Variants in PLAC1 observed in about 807,000 individuals in gnomAD.
The protein encoded by PLAC1 is placenta-specific protein 1.
For missense variants in PLAC1, 136 were observed against 163.2 expected (o/e 0.83, Z 0.91); for synonymous variants, 68 against 62.1 (o/e 1.09, Z -0.44).
chrX:134,746,553 A>C (rs895077297), intron 1 of PLAC1, among the ~76,000 whole-genome samples: 6 of 110,760 alleles, frequency 5.4e-5, no homozygotes, highest in African/African-American at 2.0e-4. Flanking sequence ...TTTGGACTTG[A>C]CCCAATACCT....
intron 2 of PLAC1, among the ~76,000 whole-genome samples, chrX:134,717,141 G>C (rs2078645542): frequency 8.9e-6 from 1 of 112,178 alleles, no homozygotes; most frequent in Non-Finnish European, 1.9e-5. Context: ...AAAGATGGTA[G>C]AAATAGGAAG....
At chrX:134,603,291 A>ATATATTTATATATATATATATATATATT (rs2078100045) in intron 1 of PLAC1, among the ~76,000 whole-genome samples, 1 of 1,379 alleles carries the variant, frequency 7.3e-4, no homozygotes, top group African/African-American at 2.2e-3. Flanking sequence ...ATATATATAT[A>ATATATTTATATATATATATATATATATT]TATATATATA....
At chrX:134,606,423 G>GA (rs2078123265) in intron 1 of PLAC1, among the ~76,000 whole-genome samples, 1 of 110,153 alleles carries the variant, frequency 9.1e-6, no homozygotes, top group African/African-American at 3.3e-5. Flanking sequence ...ATAAACATGT[G>GA]AAAAAAACAC....
chrX:134,694,547 C>T (rs1025983922), intron 2 of PLAC1, among the ~76,000 whole-genome samples: 5 of 112,213 alleles, frequency 4.5e-5, no homozygotes, highest in Admixed American at 9.5e-5. Flanking sequence ...TGGGTGTAAG[C>T]TACAGCTGTC....
chrX:134,651,792 C>T (rs1229795992), intron 1 of PLAC1, among the ~76,000 whole-genome samples: 1 of 107,222 alleles, frequency 9.3e-6, no homozygotes, highest in Admixed American at 1.0e-4. Flanking sequence ...CACTTGGCCC[C>T]AGTCACCCAC....
rs10606569 is a variant in PLAC1 at position 134,684,411 on chromosome X, TA to T, written n.174+49023del. On this transcript the variant is annotated intron_variant and non_coding_transcript_variant, in intron 2 of 2. Coordinates refer to the PLAC1 transcript ENST00000466797. ...TGAATGTTACTGAGTGCTCTGCCAC[TA>T]AAAAAAAAAAAAAAAAAAAAACACT... 1.7e-4 allele frequency among the ~76,000 whole-genome samples: 14 copies of T among 80,976 alleles called. No homozygotes were observed. The East Asian group carries it at 1.9e-3, about 11-fold the overall frequency. The allele number at this position is 80,976 out of a possible 115,157, so 70.3% of individuals were successfully genotyped here. A position where few individuals can be genotyped will look rare whatever the true frequency, so the allele number is the denominator to read the frequency against.
At chrX:134,760,880 T>A (rs2078768139) in intron 1 of PLAC1, among the ~76,000 whole-genome samples, 1 of 110,202 alleles carries the variant, frequency 9.1e-6, no homozygotes, top group African/African-American at 3.3e-5. Context: ...TCTTGTGGAG[T>A]CCTCACACTA....
At chrX:134,575,374 G>C (rs1424660574) in intron 2 of PLAC1, among the ~76,000 whole-genome samples, 1 of 110,192 alleles carries the variant, frequency 9.1e-6, no homozygotes, top group African/African-American at 3.3e-5. Context: ...AGCTGGATGT[G>C]GTGGTGCGCA....
At chrX:134,763,250 A>G (rs761367532) in intron 1 of PLAC1, among the ~76,000 whole-genome samples, 2 of 111,846 alleles carry the variant, frequency 1.8e-5, no homozygotes, top group Non-Finnish European at 3.8e-5. Flanking sequence ...CTTTCACCCC[A>G]GACTACTTCA....
intron 2 of PLAC1, among the ~76,000 whole-genome samples, chrX:134,680,132 C>T (rs2078489308): frequency 8.9e-6 from 1 of 111,935 alleles, no homozygotes; most frequent in Admixed American, 9.5e-5. Context: ...CCCAATATTG[C>T]AATTTGGACA....
At chrX:134,615,657 AAAGCT>A (rs1363687272) in intron 1 of PLAC1, among the ~76,000 whole-genome samples, 1 of 112,068 alleles carries the variant, frequency 8.9e-6, no homozygotes, top group Non-Finnish European at 1.9e-5. Flanking sequence ...TATCATTGCC[AAAGCT>A]AATGTCAAGG....
intron 2 of PLAC1, among the ~76,000 whole-genome samples, chrX:134,577,121 G>A (rs1344715735): frequency 8.9e-6 from 1 of 112,033 alleles, no homozygotes; most frequent in Non-Finnish European, 1.9e-5. Context: ...ATATGATGAA[G>A]CAACAAGGAA....
At chrX:134,697,259 TA>T (rs1868296038) in intron 2 of PLAC1, among the ~76,000 whole-genome samples, 1 of 110,395 alleles carries the variant, frequency 9.1e-6, no homozygotes, top group African/African-American at 3.3e-5. Context: ...TTCAGCCAAA[TA>T]GGGGTACTTG....
At chrX:134,698,327 C>G (rs1163693303) in intron 2 of PLAC1, among the ~76,000 whole-genome samples, 1 of 110,778 alleles carries the variant, frequency 9.0e-6, no homozygotes, top group African/African-American at 3.3e-5. Flanking sequence ...GTGGCGCACA[C>G]CTGTAATCCT....
At chrX:134,692,412 TC>T (rs1345197716) in intron 2 of PLAC1, among the ~76,000 whole-genome samples, 1 of 111,445 alleles carries the variant, frequency 9.0e-6, no homozygotes, top group Non-Finnish European at 1.9e-5. Context: ...TTCTGGACAG[TC>T]CTCCATTTCC....
At chrX:134,665,035 G>A (rs2078431427) in intron 2 of PLAC1, among the ~76,000 whole-genome samples, 1 of 111,483 alleles carries the variant, frequency 9.0e-6, no homozygotes, top group African/African-American at 3.3e-5. Context: ...GGTGCATAAA[G>A]TGTATTAACC....
intron 2 of PLAC1, among the ~76,000 whole-genome samples, chrX:134,725,626 A>AG (rs770239352): frequency 2.7e-5 from 3 of 112,342 alleles, no homozygotes; most frequent in Non-Finnish European, 5.6e-5. Context: ...TATACTATCT[A>AG]GGTCATTCCC....
chrX:134,732,668 G>A (rs913201649), intron 2 of PLAC1, among the ~76,000 whole-genome samples: 3 of 112,416 alleles, frequency 2.7e-5, no homozygotes, highest in African/African-American at 6.5e-5. Context: ...CAAAAAGCAC[G>A]ACTGTGGGCG....
At chrX:134,575,940 C>A (rs986629678) in intron 2 of PLAC1, among the ~76,000 whole-genome samples, 11 of 107,865 alleles carry the variant, frequency 1.0e-4, no homozygotes, top group African/African-American at 3.7e-4. Context: ...ATATAAAAGT[C>A]TTATCATATC....
Sources: allele counts gnomAD v4.1 joint callset (sites outside exome capture counted in the v4.1 genomes callset), GRCh38; gene constraint gnomAD v4.1.1; transcripts MANE v1.5; gene names NCBI Gene and HGNC (gene_info 2026-07-23, HGNC 2026-07-21).